The following GNPTG variants were observed in gnomAD, a reference collection of about 807,000 sequenced individuals.
GNPTG encodes the protein N-acetylglucosamine-1-phosphotransferase subunit gamma.
In GNPTG, 46 loss-of-function variants were observed where a neutral mutation model predicts 43.8. That is an observed-to-expected ratio of 1.05 (90% CI 0.83 to 1.34). GNPTG has a LOEUF of 1.34. Ranked by LOEUF, GNPTG falls within the 40% of genes most tolerant of loss-of-function variation. GNPTG has a pLI of 0.00. For synonymous variants in GNPTG, 250 were observed against 172.8 expected (o/e 1.45, Z -3.50); for missense variants, 549 against 411.3 (o/e 1.33, Z -2.90).
rs869067502 is a variant in GNPTG at position 1,354,585 on chromosome 16, C to CAAAAAA, written c.178+2298_178+2303dup. Among the ~76,000 whole-genome samples the CAAAAAA allele has an allele frequency of 9.5e-4, 42 of 44,356 alleles. 1 individual carries two copies. Among genetic ancestry groups the CAAAAAA allele is most frequent in the East Asian group, 6.4e-3 (4 of 624 alleles). The allele number at this position is 44,356 out of a possible 152,430, so 29.1% of individuals were successfully genotyped here. On this transcript the variant is annotated intron_variant, in intron 3 of 10. Transcript: ENST00000204679. The stretch of plus-strand genomic sequence containing the variant: ...TGGGTGACAGAGCAAGACTTCGTCT[C>CAAAAAA]AAAAAAAAAAAAAAAAAAAAAAAAC...
intron 10 of GNPTG, 22 bp downstream of exon 10, chr16:1,362,928 G>A: frequency 3.1e-6 from 5 of 1,613,774 alleles, no homozygotes; most frequent in Non-Finnish European, 4.2e-6. Context: ...GTGGGGAGAG[G>A]GCCAGGCTCA....
At position 1,363,428 on chromosome 16, in the gene GNPTG, AATT is replaced by A; in HGVS notation, c.*339_*341del. The A allele has an allele frequency of 5.6e-6, 2 of 357,830 alleles. No individual in the cohort carries two copies. Among genetic ancestry groups the A allele is most frequent in the Non-Finnish European group, 1.1e-5 (2 of 185,152 alleles). The allele number at this position is 357,830 out of a possible 1,614,324, so 22.2% of individuals were successfully genotyped here. ...AAACATACAGATTGAGGCTTCCAGA[AATT>A]AATCCACTTGAGGCGTCCACGCGGA... On this transcript the variant is annotated 3_prime_UTR_variant, in exon 11 of 11. Transcript: ENST00000204679.
rs1398945931 is a variant in GNPTG at position 1,362,437 on chromosome 16, C to T, written c.527-15C>T. The T allele has an allele frequency of 5.0e-6, 8 of 1,613,446 alleles. No homozygotes were observed. Among genetic ancestry groups the T allele is most frequent in the Admixed American group, 1.7e-5 (1 of 60,010 alleles). The stretch of plus-strand genomic sequence containing the variant: ...CATGGGGTGCAGCTGAGCCTGGCTT[C>T]TCTTGGGTCCTCAGTGTACCCAACC... On this transcript the variant is annotated splice_polypyrimidine_tract_variant and intron_variant, in intron 7 of 10. Transcript: ENST00000204679.
intron 3 of GNPTG, among the ~76,000 whole-genome samples, chr16:1,356,620 G>T (rs2034780310): frequency 1.3e-5 from 2 of 152,186 alleles, no homozygotes; most frequent in South Asian, 4.1e-4. Context: ...TCAGCCAGTA[G>T]GAGTCCACTG....
intron 1 of GNPTG, 26 bp downstream of exon 1, chr16:1,352,043 C>G: frequency 6.6e-7 from 1 of 1,513,350 alleles, no homozygotes; most frequent in African/African-American, 1.4e-5. Flanking sequence ...GTCCGCGTCC[C>G]CAGGCCCCGC....
chr16:1,353,261 G>C (rs1483905515), intron 3 of GNPTG, among the ~76,000 whole-genome samples: 1 of 152,220 alleles, frequency 6.6e-6, no homozygotes, highest in East Asian at 1.9e-4. Context: ...ATAGGCGTGA[G>C]CCACCGCGCC....
At chr16:1,352,769 C>T (rs1317451623) in intron 3 of GNPTG, among the ~76,000 whole-genome samples, 1 of 151,898 alleles carries the variant, frequency 6.6e-6, no homozygotes, top group Non-Finnish European at 1.5e-5. Flanking sequence ...CTGCACTCCC[C>T]GATTGTATTT....
rs527535484 is a variant in GNPTG at position 1,361,441 on chromosome 16, G to A, written c.179-302G>A. ...GGGTGGATCACGAGGTCAGGAGATC[G>A]AGACCATCCTGGCTAACGCGGTGAA... On this transcript the variant is annotated intron_variant, in intron 3 of 10. Coordinates refer to ENST00000204679, the MANE Select transcript of GNPTG (RefSeq NM_032520.5). The A allele has an allele frequency of 3.2e-4, 121 of 373,878 alleles. No individual in the cohort carries two copies. In the East Asian group the frequency reaches 7.1e-3, roughly 22 times the overall value. 23.2% of individuals were successfully genotyped at this position (373,878 alleles called of 1,614,324 possible).
At chr16:1,359,598 T>A (rs1388150824) in intron 3 of GNPTG, among the ~76,000 whole-genome samples, 5 of 152,288 alleles carry the variant, frequency 3.3e-5, no homozygotes, top group East Asian at 3.9e-4. Flanking sequence ...AGTATCACAC[T>A]GTTTTGATCA....
At chr16:1,361,392 C>T in intron 3 of GNPTG, 3 of 343,632 alleles carry the variant, frequency 8.7e-6, no homozygotes, top group Non-Finnish European at 1.7e-5. Context: ...AACCTGTAAT[C>T]CCAGCACTTT....
rs766619396 is a variant in GNPTG, at chr16:1,361,750, G to A, written c.186G>A (p.Val62=). 1 of 1,614,172 alleles carries A rather than the reference G, an allele frequency of 6.2e-7. No individual in the cohort carries two copies. The highest frequency in any genetic ancestry group is 8.5e-7 in the Non-Finnish European group (1 of 1,180,042). The change falls in exon 4 of 11, where the codon GTG becomes GTA. Residue 62 remains valine (V), a synonymous_variant. Transcript: ENST00000204679. ...KRDPSPVSGP[V]HLFRLSGKCF... Reference sequence around the variant, plus strand: ...GTGTGAGGTCTCTTCCAGGACCCGTGCATCTCTTCCGACTCTCGGGCAAGT... The same window carrying A: ...GTGTGAGGTCTCTTCCAGGACCCGTACATCTCTTCCGACTCTCGGGCAAGT...
chr16:1,354,150 G>T (rs1366632323), intron 3 of GNPTG, among the ~76,000 whole-genome samples: 1 of 151,472 alleles, frequency 6.6e-6, no homozygotes, highest in East Asian at 2.0e-4. Flanking sequence ...TGCTGGAGTC[G>T]GGCCACCACC....
At chr16:1,355,797 G>A (rs1329784422) in intron 3 of GNPTG, among the ~76,000 whole-genome samples, 1 of 152,064 alleles carries the variant, frequency 6.6e-6, no homozygotes, top group Non-Finnish European at 1.5e-5. Flanking sequence ...AGTGGCCCCG[G>A]GATCCTGGCT....
chr16:1,358,852 C>G (rs568157583), intron 3 of GNPTG: 1 of 124,110 alleles, frequency 8.1e-6, no homozygotes, highest in African/African-American at 3.2e-5. Flanking sequence ...TTTTCAGTTG[C>G]TTATGGTGTT....
At position 1,352,339 on chromosome 16, in the gene GNPTG, G is replaced by T. The variant is rs1466397229; in HGVS notation, c.178+33G>T. 3.2e-6 allele frequency: 5 copies of T among 1,545,946 alleles called. No individual in the cohort carries two copies. The Admixed American group carries it at 5.9e-5, about 18-fold the overall frequency. The stretch of plus-strand genomic sequence containing the variant: ...AGGAGCGCTGTTGGCCGGCGCGGGG[G>T]TGGCCGCGGGGAGCAGCAACAGTGG... On this transcript the variant is annotated intron_variant, in intron 3 of 10. Coordinates refer to ENST00000204679, the MANE Select transcript of GNPTG (RefSeq NM_032520.5).
Position 1,362,289 on chromosome 16 carries a change from C to G in GNPTG, c.495C>G (p.Thr165=), listed in dbSNP as rs752525561. ...GCGTCTACGCGCTGACGTTCGAGAC[C>G]CCCCTCGTCTGCCACCCCCACGCCT... The part of the protein sequence containing the change: ...STCVYALTFE[T]PLVCHPHALL... Residue 165 remains threonine (T), a synonymous_variant, in exon 7 of 11, where the codon ACC becomes ACG. Transcript: ENST00000204679. 3 of 1,613,328 alleles carry G rather than the reference C, an allele frequency of 1.9e-6. No individual in the cohort carries two copies. Among genetic ancestry groups the G allele is most frequent in the Non-Finnish European group, 2.5e-6 (3 of 1,179,960 alleles).
chr16:1,362,234 G>T lies in GNPTG; in HGVS notation c.440G>T (p.Arg147Leu). The change falls in exon 7 of 11, where the codon CGG becomes CTG. Residue 147 changes from arginine (R) to leucine (L), a missense_variant. Arg to Leu is a moderately radical substitution (Grantham distance 102). Transcript: ENST00000204679. ...GAGCTGGCGTGTGGAAAAAGCAACCGGCTGGCCCATGTGTCCGAGCCGAGC... is the reference window on the plus strand; with the variant it reads ...GAGCTGGCGTGTGGAAAAAGCAACCTGCTGGCCCATGTGTCCGAGCCGAGC... Reference protein sequence around the residue: ...KVELACGKSNRLAHVSEPSTC... With the variant: ...KVELACGKSNLLAHVSEPSTC... 1 of 1,613,550 alleles carries T rather than the reference G, an allele frequency of 6.2e-7. No individual in the cohort carries two copies. Among genetic ancestry groups the T allele is most frequent in the Non-Finnish European group, 8.5e-7 (1 of 1,179,958 alleles).
At chr16:1,354,714 AG>A (rs2034744652) in intron 3 of GNPTG, among the ~76,000 whole-genome samples, 1 of 150,810 alleles carries the variant, frequency 6.6e-6, no homozygotes, top group Non-Finnish European at 1.5e-5. Flanking sequence ...ATGTGTCTTT[AG>A]TGTTTTAATT....
chr16:1,354,595 A>AAAAAAAAAAAAAAC (rs1567180509), intron 3 of GNPTG, among the ~76,000 whole-genome samples: 4 of 150,050 alleles, frequency 2.7e-5, no homozygotes, highest in East Asian at 3.9e-4. Flanking sequence ...CAAAAAAAAA[A>AAAAAAAAAAAAAAC]AAAAAAAAAA....
Sources: gnomAD v4.1 joint callset for allele counts (sites outside exome capture counted in the v4.1 genomes callset) on GRCh38, gnomAD v4.1.1 for gene constraint, MANE v1.5 for transcripts, NCBI Gene and HGNC (gene_info 2026-07-23, HGNC 2026-07-21) for gene names.